Variants in AQP9 observed in about 807,000 individuals in gnomAD.
AQP9 encodes aquaporin 9.
A neutral mutation model predicts 23.8 loss-of-function variants in AQP9; 19 were observed. That is an observed-to-expected ratio of 0.80 (90% CI 0.56 to 1.17). AQP9 has a LOEUF of 1.17. AQP9 is among the 50% of genes most tolerant of loss of function. AQP9 has a pLI of 0.00. For missense variants in AQP9, 413 were observed against 362.0 expected (o/e 1.14, Z -1.14); for synonymous variants, 153 against 131.5 (o/e 1.16, Z -1.12).
At chr15:58,178,809 T>C (rs1377770894) in intron 4 of AQP9, among the ~76,000 whole-genome samples, 1 of 152,200 alleles carries the variant, frequency 6.6e-6, no homozygotes, top group Non-Finnish European at 1.5e-5. Flanking sequence ...AGTAGTAGCT[T>C]AGCAGGATAG....
At chr15:58,166,066 T>C (rs751554596) in intron 1 of AQP9, among the ~76,000 whole-genome samples, 1 of 152,214 alleles carries the variant, frequency 6.6e-6, no homozygotes, top group Non-Finnish European at 1.5e-5. Context: ...ATTGGATGTG[T>C]GTATGGTGGT....
chr15:58,143,214 G>A (rs568581404), intron 1 of AQP9, among the ~76,000 whole-genome samples: 7 of 152,260 alleles, frequency 4.6e-5, no homozygotes, highest in South Asian at 2.1e-4. Flanking sequence ...CTTTAAGAAC[G>A]TCTGAGGTTC....
chr15:58,157,618 C>T (rs1260831897), intron 1 of AQP9, among the ~76,000 whole-genome samples: 1 of 152,064 alleles, frequency 6.6e-6, no homozygotes, highest in Non-Finnish European at 1.5e-5. Flanking sequence ...GTTTAATCAG[C>T]GTTAGCGGGG....
chr15:58,157,124 A>G (rs767501047), intron 1 of AQP9, among the ~76,000 whole-genome samples: 3 of 152,186 alleles, frequency 2.0e-5, no homozygotes, highest in Non-Finnish European at 4.4e-5. Context: ...TTTTATAAAT[A>G]TTTGCATCAT....
chr15:58,173,701 A>T (rs969908211), intron 3 of AQP9, among the ~76,000 whole-genome samples: 1 of 152,200 alleles, frequency 6.6e-6, no homozygotes, highest in Non-Finnish European at 1.5e-5. Context: ...GGAAAAACAC[A>T]GTATTGGTCA....
intron 2 of AQP9, among the ~76,000 whole-genome samples, chr15:58,170,558 C>G (rs1256270341): frequency 6.6e-6 from 1 of 152,054 alleles, no homozygotes; most frequent in African/African-American, 2.4e-5. Context: ...GCGTATGCCA[C>G]TATGCCCAGC....
chr15:58,175,147 G>A, intron 4 of AQP9, 111 bp downstream of exon 4: 3 of 1,060,618 alleles, frequency 2.8e-6, no homozygotes, highest in African/African-American at 1.6e-5. Context: ...TATTTCCAAA[G>A]GCAGAGGTTG....
chr15:58,148,308 G>A (rs1226564313), intron 1 of AQP9, among the ~76,000 whole-genome samples: 2 of 152,208 alleles, frequency 1.3e-5, no homozygotes, highest in African/African-American at 4.8e-5. Context: ...GGAATTATCA[G>A]AGCCTTTAAT....
At chr15:58,166,642 A>G in intron 1 of AQP9, 31 bp from the exon 2 acceptor site, 1 of 1,591,732 alleles carries the variant, frequency 6.3e-7, no homozygotes, top group Non-Finnish European at 8.6e-7. Flanking sequence ...AGCCATCCCC[A>G]CTTACCTGTT....
intron 1 of AQP9, chr15:58,155,983 A>T (rs558656802): frequency 2.0e-5 from 3 of 152,260 alleles, no homozygotes; most frequent in Admixed American, 6.5e-5. Context: ...CATCAGACAA[A>T]CAGCATCCAT....
At chr15:58,159,278 A>G (rs1013216556) in intron 1 of AQP9, among the ~76,000 whole-genome samples, 5 of 152,008 alleles carry the variant, frequency 3.3e-5, no homozygotes, top group Admixed American at 6.6e-5. Flanking sequence ...CCCCCAAATT[A>G]AGTTGGGTTT....
chr15:58,174,930 C>T lies in AQP9; in HGVS notation c.389C>T (p.Ser130Phe), dbSNP rs1898707778. Residue 130 changes from serine (S) to phenylalanine (F), a missense_variant, in exon 4 of 6, where the codon TCC becomes TTC. Coordinates refer to ENST00000219919, the MANE Select transcript of AQP9 (RefSeq NM_020980.5). ...VFGIYYDGLM[S>F]FAGGKLLIVG... The stretch of plus-strand genomic sequence containing the variant: ...TTCTCTTTCATAGATGGACTTATGT[C>T]CTTTGCTGGTGGAAAACTGCTGATC... The T allele has an allele frequency of 6.2e-7, 1 of 1,613,934 alleles. No individual in the cohort carries two copies. Among genetic ancestry groups the T allele is most frequent in the Non-Finnish European group, 8.5e-7 (1 of 1,179,916 alleles).
intron 1 of AQP9, among the ~76,000 whole-genome samples, chr15:58,142,981 C>T (rs1897977342): frequency 6.6e-6 from 1 of 152,134 alleles, no homozygotes; most frequent in African/African-American, 2.4e-5. Context: ...GGCCCTCGCT[C>T]AGAAACTTTG....
At chr15:58,164,204 G>C (rs1275163164) in intron 1 of AQP9, 1 of 152,088 alleles carries the variant, frequency 6.6e-6, no homozygotes, top group Non-Finnish European at 1.5e-5. Flanking sequence ...AAGCCTCCAC[G>C]GACCCACTTG....
intron 1 of AQP9, among the ~76,000 whole-genome samples, chr15:58,143,213 C>T (rs775719302): frequency 2.6e-5 from 4 of 152,184 alleles, no homozygotes; most frequent in East Asian, 1.9e-4. Flanking sequence ...CCTTTAAGAA[C>T]GTCTGAGGTT....
intron 1 of AQP9, chr15:58,152,728 G>A (rs1408519549): frequency 2.0e-5 from 3 of 152,128 alleles, no homozygotes; most frequent in African/African-American, 4.8e-5. Flanking sequence ...TCTATTGCAT[G>A]TGTCTTTATT....
At chr15:58,143,249 A>G (rs1372535414) in intron 1 of AQP9, among the ~76,000 whole-genome samples, 2 of 152,220 alleles carry the variant, frequency 1.3e-5, no homozygotes, top group African/African-American at 4.8e-5. Flanking sequence ...CAGAAGTGCT[A>G]AACACTGGGG....
At chr15:58,146,230 A>G (rs1296985557) in intron 1 of AQP9, among the ~76,000 whole-genome samples, 4 of 151,902 alleles carry the variant, frequency 2.6e-5, no homozygotes, top group African/African-American at 7.3e-5. Context: ...CTCCTACTAT[A>G]TTGGTATGCA....
chr15:58,154,716 A>G (rs1312319901), intron 1 of AQP9, among the ~76,000 whole-genome samples: 2 of 152,114 alleles, frequency 1.3e-5, no homozygotes, highest in Admixed American at 6.6e-5. Context: ...ACCCAAATAA[A>G]TTAAAGACTA....
Sources: allele counts gnomAD v4.1 joint callset (sites outside exome capture counted in the v4.1 genomes callset), GRCh38; gene constraint gnomAD v4.1.1; transcripts MANE v1.5; gene names NCBI Gene and HGNC (gene_info 2026-07-23, HGNC 2026-07-21).